Variants in PAQR6 observed in about 807,000 individuals in gnomAD.
PAQR6 encodes progestin and adipoQ receptor family member 6.
Under a neutral mutation model 36.2 loss-of-function variants are expected in PAQR6, and 34 were observed. The ratio of observed to expected loss-of-function variants is 0.94; its 90% CI spans 0.71 to 1.25. The LOEUF (loss-of-function observed/expected upper bound fraction) is 1.25. Among genes scored for constraint, PAQR6 ranks in the 50% most tolerant of loss-of-function variants. The pLI is 0.00. For synonymous variants in PAQR6, 190 were observed against 190.7 expected (o/e 1.00, Z 0.03); for missense variants, 431 against 445.7 (o/e 0.97, Z 0.30).
intron 7 of PAQR6, 27 bp downstream of exon 7, chr1:156,244,734 C>T: frequency 6.2e-7 from 1 of 1,613,824 alleles, no homozygotes; most frequent in Non-Finnish European, 8.5e-7. Context: ...CCTGCCTCTT[C>T]CCGGGCCGGG....
At position 156,245,999 on chromosome 1, in the gene PAQR6, G is replaced by A; in HGVS notation, c.180-12C>T. Reference sequence around the variant, plus strand: ...GCCACAGGAAGTACCTGCGGCGGGCGCGTGCTCAGGCCGCCGCGGACCCCC... The same window carrying A: ...GCCACAGGAAGTACCTGCGGCGGGCACGTGCTCAGGCCGCCGCGGACCCCC... On this transcript the variant is annotated splice_polypyrimidine_tract_variant and intron_variant, in intron 3 of 7. Transcript: ENST00000292291. The A allele has an allele frequency of 6.4e-7, 1 of 1,558,526 alleles. No individual in the cohort carries two copies.
chr1:156,244,885 G>A lies in PAQR6; in HGVS notation c.636C>T (p.His212=), dbSNP rs368907955. 9.7e-5 allele frequency: 156 copies of A among 1,612,848 alleles called. No homozygotes were observed. Among genetic ancestry groups the A allele is most frequent in the African/African-American group, 1.5e-4 (11 of 74,944 alleles). Residue 212 remains histidine, a synonymous_variant, in exon 7 of 8, where the codon CAC becomes CAT. Transcript: ENST00000292291. ...TGCTCAGGGCCTCCTGCCCACAGCC[G>A]TGGCCCCTGCCCCAGCACAGCCCGA... The part of the protein sequence containing the change: ...YRLGLCWGRG[H]GCGQEALSTS...
chr1:156,244,963 G>T, intron 6 of PAQR6, 52 bp from the exon 7 acceptor site: 2 of 1,599,376 alleles, frequency 1.3e-6, no homozygotes, highest in East Asian at 2.2e-5. Flanking sequence ...GCCGAAACAT[G>T]GGGTGTGTCT....
chr1:156,244,102 C>T lies in PAQR6; in HGVS notation c.*27G>A, dbSNP rs1659787134. ...AGCACTGGGGCCTGGCCTCTGCCCC[C>T]TCCAGGACAGGGTCAGGGATGGGGC... On this transcript the variant is annotated 3_prime_UTR_variant, in exon 8 of 8. Coordinates refer to ENST00000292291, the MANE Select transcript of PAQR6 (RefSeq NM_198406.3). 4.4e-6 allele frequency: 7 copies of T among 1,608,808 alleles called. No individual in the cohort carries two copies. The highest frequency in any genetic ancestry group is 6.0e-6 in the Non-Finnish European group (7 of 1,176,116).
At chr1:156,247,895 G>C (rs1412360027) in intron 1 of PAQR6, 62 bp downstream of exon 1, 1 of 399,082 alleles carries the variant, frequency 2.5e-6, no homozygotes, top group Non-Finnish European at 5.3e-6. Context: ...GGGAGGGGTG[G>C]CTGGAGCAAG....
rs200856802 is a variant in PAQR6, at chr1:156,244,759, A to G, written c.760+2T>C. 2 of 1,613,808 alleles carry G rather than the reference A, an allele frequency of 1.2e-6. No individual in the cohort carries two copies. Among genetic ancestry groups the G allele is most frequent in the East Asian group, 4.5e-5 (2 of 44,880 alleles). On this transcript the variant is annotated splice_donor_variant, in intron 7 of 7. Coordinates refer to ENST00000292291, the MANE Select transcript of PAQR6 (RefSeq NM_198406.3). LOFTEE classifies it high-confidence loss of function. Reference sequence around the variant, plus strand: ...CCCGGGCCGGGCCAGGCGTGCCCTCACCGATGTAATCAAAGCGTCCTGGTG... The same window carrying G: ...CCCGGGCCGGGCCAGGCGTGCCCTCGCCGATGTAATCAAAGCGTCCTGGTG...
At chr1:156,247,865 T>C (rs572879599) in intron 1 of PAQR6, 92 bp downstream of exon 1, 16 of 385,698 alleles carry the variant, frequency 4.1e-5, no homozygotes, top group Non-Finnish European at 7.1e-5. Context: ...GTGGAGTGTG[T>C]GCAGTTGCTA....
rs376595008 is a variant in PAQR6, at chr1:156,244,890, C to A, written c.631G>T (p.Gly211Cys). The A allele has an allele frequency of 3.1e-6, 5 of 1,612,902 alleles. No individual in the cohort carries two copies. Among genetic ancestry groups the A allele is most frequent in the Non-Finnish European group, 4.2e-6 (5 of 1,179,940 alleles). The change falls in exon 7 of 8, where the codon GGC (glycine) becomes TGC (cysteine). Residue 211 changes from glycine to cysteine, a missense_variant. By Grantham distance (159) the Gly-to-Cys change is radical. Transcript: ENST00000292291. ...FYRLGLCWGR[G>C]HGCGQEALST... ...AGGGCCTCCTGCCCACAGCCGTGGC[C>A]CCTGCCCCAGCACAGCCCGAGCTGT... is the stretch of plus-strand genomic sequence containing the variant.
chr1:156,246,830 G>A (rs1383988097), intron 1 of PAQR6, 74 bp from the exon 2 acceptor site: 10 of 1,304,858 alleles, frequency 7.7e-6, no homozygotes, highest in East Asian at 2.4e-5. Context: ...GGGTTCAGCC[G>A]CAGGATGGGC....
Position 156,245,535 on chromosome 1 carries a change from C to G in PAQR6, c.512G>C (p.Arg171Pro). Residue 171 changes from arginine to proline, a missense_variant and splice_region_variant, in exon 5 of 8, where the codon CGT becomes CCT. Arg to Pro is a moderately radical substitution (Grantham distance 103, BLOSUM62 -2). Transcript: ENST00000292291. ...CCACTGGAGGGGCCTGGGAACCCAC[C>G]GGGAGTAGCAGGAGAGGCCGGTGCA... Reference protein sequence around the residue: ...FLCTGLSCYSRFLELESPGLS... With the variant: ...FLCTGLSCYSPFLELESPGLS... 1.2e-6 allele frequency: 2 copies of G among 1,612,026 alleles called. No homozygotes were observed. The highest frequency in any genetic ancestry group is 1.7e-6 in the Non-Finnish European group (2 of 1,179,978).
Position 156,245,143 on chromosome 1 carries a change from C to A in PAQR6, c.608G>T (p.Arg203Leu). The change falls in exon 6 of 8, where the codon CGG becomes CTG. Residue 203 changes from arginine to leucine, a missense_variant and splice_region_variant. Physicochemically the swap from Arg to Leu is moderately radical, Grantham distance 102. Coordinates refer to ENST00000292291, the MANE Select transcript of PAQR6 (RefSeq NM_198406.3). Reference sequence around the variant, plus strand: ...GGCAGGGGCCCTAGGCCTCCTTACCCGATAAAAGAGTGGGAGGTTGTCGAA... The same window carrying A: ...GGCAGGGGCCCTAGGCCTCCTTACCAGATAAAAGAGTGGGAGGTTGTCGAA... ...FLFDNLPLFY[R>L]LGLCWGRGHG... is the part of the protein sequence containing the mutation. 6.2e-7 allele frequency: 1 copy of A among 1,613,552 alleles called. No individual in the cohort carries two copies.
rs371351556 is a variant in PAQR6, at chr1:156,243,815, C to T, written c.*314G>A. ...CAGAAACGGAGCCAGATGAAAGGAC[C>T]CCAACACCTCCCCCCGCCAACCTTT... On this transcript the variant is annotated 3_prime_UTR_variant, in exon 8 of 8. Transcript: ENST00000292291. 15 of 1,533,814 alleles carry T rather than the reference C, an allele frequency of 9.8e-6. No homozygotes were observed. The African/African-American group carries it at 2.1e-4, about 21-fold the overall frequency.
chr1:156,246,073 G>T (rs757577310), intron 3 of PAQR6, 50 bp downstream of exon 3: 8 of 1,605,074 alleles, frequency 5.0e-6, no homozygotes, highest in East Asian at 2.2e-5. Context: ...GCCCGCCTGG[G>T]TACCCCCTCT....
Position 156,243,608 on chromosome 1 carries a change from T to TA in PAQR6, c.*520dup. 1.9e-6 allele frequency: 1 copy of TA among 534,766 alleles called. No homozygotes were observed. Among genetic ancestry groups the TA allele is most frequent in the Non-Finnish European group, 3.3e-6 (1 of 307,044 alleles). The allele number at this position is 534,766 out of a possible 1,614,324, so 33.1% of individuals were successfully genotyped here. On this transcript the variant is annotated 3_prime_UTR_variant, in exon 8 of 8. Coordinates refer to ENST00000292291, the MANE Select transcript of PAQR6 (RefSeq NM_198406.3). The stretch of plus-strand genomic sequence containing the variant: ...AGCCTGGACACCTTGAGCACACAGT[T>TA]ATGACCAGGACAGACTCATCTCTAT...
intron 1 of PAQR6, chr1:156,247,668 C>T: frequency 5.7e-6 from 1 of 174,170 alleles, no homozygotes; most frequent in South Asian, 1.1e-4. Flanking sequence ...GTCCCTGCAC[C>T]CCAGCAGAAC....
In PAQR6 at chr1:156,244,246, T is replaced by C. The variant is rs1659827659; in HGVS notation, c.918A>G (p.Ala306=). Residue 306 remains alanine, a synonymous_variant, in exon 8 of 8, where the codon GCA becomes GCG. Transcript: ENST00000292291. ...AGTVATLVLA[A]AGNLLIIAAF... Reference sequence around the variant, plus strand: ...CAGCAATAATGAGTAGGTTCCCAGCTGCAGCCAAGACCAGTGTGGCCACTG... The same window carrying C: ...CAGCAATAATGAGTAGGTTCCCAGCCGCAGCCAAGACCAGTGTGGCCACTG... 1 of 1,613,772 alleles carries C rather than the reference T, an allele frequency of 6.2e-7. No homozygotes were observed. The highest frequency in any genetic ancestry group is 1.3e-5 in the African/African-American group (1 of 75,068).
rs1230068412 is a variant in PAQR6 at position 156,244,374 on chromosome 1, C to T, written c.790G>A (p.Ala264Thr). 2 of 1,553,034 alleles carry T rather than the reference C, an allele frequency of 1.3e-6. No individual in the cohort carries two copies. The highest frequency in any genetic ancestry group is 8.7e-7 in the Non-Finnish European group (1 of 1,146,178). The part of the protein sequence containing the change: ...GHSHQLFHIC[A>T]VLGTHFQLEA... Reference sequence around the variant, plus strand: ...AGCTGGAAGTGGGTGCCCAGCACTGCACAGATGTGGAATAACTGGTGGCTG... The same window carrying T: ...AGCTGGAAGTGGGTGCCCAGCACTGTACAGATGTGGAATAACTGGTGGCTG... The change falls in exon 8 of 8, where the codon GCA (alanine) becomes ACA (threonine). Residue 264 changes from alanine (A) to threonine (T), a missense_variant. Physicochemically the swap from Ala to Thr is moderately conservative, Grantham distance 58. Transcript: ENST00000292291.
rs1363241410 is a variant in PAQR6, at chr1:156,243,538, T to C, written c.*591A>G. ...TAGGACCCTCCTCCCCACACCTCAA[T>C]CCACCAAACCATCCATAATGCACCC... is the stretch of plus-strand genomic sequence containing the variant. On this transcript the variant is annotated 3_prime_UTR_variant, in exon 8 of 8. Transcript: ENST00000292291. 1.7e-5 allele frequency: 8 copies of C among 469,560 alleles called. No homozygotes were observed. The highest frequency in any genetic ancestry group is 2.3e-5 in the Non-Finnish European group (6 of 265,704). The allele number at this position is 469,560 out of a possible 1,614,324, so 29.1% of individuals were successfully genotyped here.
intron 3 of PAQR6, 51 bp from the exon 4 acceptor site, chr1:156,246,038 C>T: frequency 2.5e-6 from 4 of 1,593,680 alleles, no homozygotes; most frequent in Non-Finnish European, 3.4e-6. Flanking sequence ...ACTGCCGCTG[C>T]AGCCCGTGGG....
Sources: gnomAD v4.1 joint callset for allele counts on GRCh38, gnomAD v4.1.1 for gene constraint, MANE v1.5 for transcripts, NCBI Gene and HGNC (gene_info 2026-07-23, HGNC 2026-07-21) for gene names.